Variants in CTNNA3 observed in about 807,000 individuals in gnomAD.
CTNNA3 encodes the protein catenin alpha-3.
A neutral mutation model predicts 95.7 loss-of-function variants in CTNNA3; 76 were observed. The ratio of observed to expected loss-of-function variants is 0.79; its 90% CI spans 0.66 to 0.96. The LOEUF (loss-of-function observed/expected upper bound fraction) is 0.96, where lower values mean the gene tolerates loss of function less well. Among genes scored for constraint, CTNNA3 ranks in the 40% least tolerant of loss-of-function variants. The pLI is 0.00. For missense variants in CTNNA3, 1,191 were observed against 1,089.8 expected (o/e 1.09, Z -1.31); for synonymous variants, 431 against 374.4 (o/e 1.15, Z -1.74).
At chr10:66,955,564 C>T (rs759564390) in intron 7 of CTNNA3, among the ~76,000 whole-genome samples, 6 of 152,108 alleles carry the variant, frequency 3.9e-5, no homozygotes, top group Non-Finnish European at 8.8e-5. Context: ...TTCCTCATTG[C>T]CTCTCATAAC....
intron 10 of CTNNA3, among the ~76,000 whole-genome samples, chr10:66,545,230 C>CA (rs1378340583): frequency 6.6e-6 from 1 of 151,902 alleles, no homozygotes; most frequent in African/African-American, 2.4e-5. Flanking sequence ...ATTACACACC[C>CA]TTATATGCTA....
At chr10:65,967,600 A>G (rs1259630997) in intron 16 of CTNNA3, among the ~76,000 whole-genome samples, 1 of 152,226 alleles carries the variant, frequency 6.6e-6, no homozygotes, top group African/African-American at 2.4e-5. Flanking sequence ...TGTGAATACA[A>G]CTGAAGCCAA....
In CTNNA3 at chr10:67,199,821, C is replaced by T. The variant is rs186733196; in HGVS notation, c.844-19301G>A. ...AGACTATTTTTCAAGTAGATATTGA[C>T]GTTATGCAGTGGGATGTGCTATTAA... On this transcript the variant is annotated intron_variant, in intron 6 of 17. Transcript: ENST00000433211. Among the ~76,000 whole-genome samples the T allele has an allele frequency of 3.0e-4, 46 of 152,184 alleles. 1 individual carries two copies. The highest frequency in any genetic ancestry group is 1.0e-3 in the African/African-American group (42 of 41,526).
chr10:66,451,804 C>T (rs1344958544), intron 11 of CTNNA3, among the ~76,000 whole-genome samples: 3 of 152,092 alleles, frequency 2.0e-5, no homozygotes, highest in Non-Finnish European at 2.9e-5. Flanking sequence ...ACTTTCAATC[C>T]TTTTACCATG....
intron 17 of CTNNA3, among the ~76,000 whole-genome samples, chr10:65,964,279 A>G (rs1432813175): frequency 6.6e-6 from 1 of 152,206 alleles, no homozygotes; most frequent in East Asian, 1.9e-4. Flanking sequence ...TCTAGGATCT[A>G]CCTGCAAACA....
chr10:66,219,121 G>C, intron 13 of CTNNA3, among the ~76,000 whole-genome samples: 1 of 152,028 alleles, frequency 6.6e-6, no homozygotes, highest in Non-Finnish European at 1.5e-5. Context: ...TTTACCTACA[G>C]AACTGCACCC....
chr10:67,110,862 A>G (rs1263626297), intron 7 of CTNNA3, among the ~76,000 whole-genome samples: 1 of 152,202 alleles, frequency 6.6e-6, no homozygotes, highest in Non-Finnish European at 1.5e-5. Context: ...AATAGATTAA[A>G]AATTAAATTA....
intron 7 of CTNNA3, among the ~76,000 whole-genome samples, chr10:67,134,865 A>T (rs909843158): frequency 2.0e-5 from 3 of 152,106 alleles, no homozygotes; most frequent in African/African-American, 7.2e-5. Flanking sequence ...TTTTTATATG[A>T]CAGAGAGGAG....
chr10:66,662,677 T>C (rs1455507969), intron 9 of CTNNA3, among the ~76,000 whole-genome samples: 1 of 152,136 alleles, frequency 6.6e-6, no homozygotes, highest in Admixed American at 6.6e-5. Context: ...GGGGTATTTC[T>C]ACTACAATTG....
chr10:66,454,179 A>C (rs1201810289), intron 11 of CTNNA3, among the ~76,000 whole-genome samples: 2 of 152,206 alleles, frequency 1.3e-5, no homozygotes, highest in Non-Finnish European at 2.9e-5. Context: ...GAAGGAACAC[A>C]GCCTTGCTGA....
intron 5 of CTNNA3, among the ~76,000 whole-genome samples, chr10:67,254,874 G>A (rs532654123): frequency 4.6e-5 from 7 of 152,226 alleles, no homozygotes; most frequent in Admixed American, 6.5e-5. Context: ...CAATGAAATC[G>A]CCTAATGATG....
intron 3 of CTNNA3, among the ~76,000 whole-genome samples, chr10:67,559,891 T>C (rs150972228): frequency 0.07 from 10,650 of 152,054 alleles, 472 homozygotes; most frequent in Non-Finnish European, 0.1. Context: ...GTATCAGTGA[T>C]AGAAGATGAA....
intron 7 of CTNNA3, among the ~76,000 whole-genome samples, chr10:67,088,703 TA>T (rs1421798536): frequency 2.6e-5 from 4 of 152,094 alleles, no homozygotes; most frequent in African/African-American, 9.7e-5. Flanking sequence ...GATTTCACTA[TA>T]ATGAAGTTTT....
At chr10:66,879,484 C>G (rs1334948513) in intron 7 of CTNNA3, among the ~76,000 whole-genome samples, 2 of 152,066 alleles carry the variant, frequency 1.3e-5, no homozygotes, top group African/African-American at 4.8e-5. Context: ...ATCATTCAGG[C>G]ATCTATTCTC....
intron 9 of CTNNA3, among the ~76,000 whole-genome samples, chr10:66,747,190 A>G (rs770405841): frequency 6.6e-6 from 1 of 152,232 alleles, no homozygotes; most frequent in African/African-American, 2.4e-5. Context: ...CTTAGAAAGT[A>G]TATATTGTCT....
At chr10:67,271,540 T>C (rs1248242184) in intron 5 of CTNNA3, among the ~76,000 whole-genome samples, 2 of 152,164 alleles carry the variant, frequency 1.3e-5, no homozygotes, top group African/African-American at 2.4e-5. Context: ...TATTTCTTCA[T>C]AGCAATGTGA....
intron 7 of CTNNA3, among the ~76,000 whole-genome samples, chr10:66,840,807 T>A (rs1424056552): frequency 6.6e-6 from 1 of 152,154 alleles, no homozygotes; most frequent in Non-Finnish European, 1.5e-5. Flanking sequence ...TGCTTGTTTG[T>A]TTCCACAAAG....
chr10:67,225,854 T>C (rs1358537137), intron 5 of CTNNA3, among the ~76,000 whole-genome samples: 1 of 152,032 alleles, frequency 6.6e-6, no homozygotes, highest in African/African-American at 2.4e-5. Flanking sequence ...TCACCAGCAA[T>C]GGATCCAAAC....
intron 1 of CTNNA3, among the ~76,000 whole-genome samples, chr10:67,659,189 C>T (rs747187845): frequency 6.6e-6 from 1 of 152,054 alleles, no homozygotes; most frequent in Non-Finnish European, 1.5e-5. Flanking sequence ...TTAGGTCTTA[C>T]AATGTCCTTC....
Sources: allele counts gnomAD v4.1 joint callset (sites outside exome capture counted in the v4.1 genomes callset), GRCh38; gene constraint gnomAD v4.1.1; transcripts MANE v1.5; gene names NCBI Gene and HGNC (gene_info 2026-07-23, HGNC 2026-07-21).